INTS6: variants seen among roughly 807,000 people sequenced by gnomAD.
INTS6 encodes DEAD box protein.
In INTS6, 16 loss-of-function variants were observed where a neutral mutation model predicts 104.9. The ratio of observed to expected loss-of-function variants is 0.15; its 90% CI spans 0.10 to 0.23. The LOEUF is 0.23. Ranked by LOEUF, INTS6 falls within the 10% of genes least tolerant of loss-of-function variation. The pLI, the probability that INTS6 is intolerant of heterozygous loss-of-function variation, is 1.00. For missense variants in INTS6, 584 were observed against 1,062.8 expected (o/e 0.55, Z 6.26); for synonymous variants, 324 against 358.7 (o/e 0.90, Z 1.09).
intron 4 of INTS6, among the ~76,000 whole-genome samples, chr13:51,418,487 A>T (rs1161288374): frequency 6.6e-6 from 1 of 152,174 alleles, no homozygotes; most frequent in Non-Finnish European, 1.5e-5. Context: ...AAGGAAAATT[A>T]AGAAATTCTA....
At chr13:51,348,093 G>A in the INTS6 span, 1 of 715,662 alleles carries the variant, frequency 1.4e-6, no homozygotes, top group South Asian at 1.9e-5. Flanking sequence ...TCCTGAGGGT[G>A]AGGTGGATGC....
intron 3 of INTS6, among the ~76,000 whole-genome samples, chr13:51,434,532 C>T (rs557466601): frequency 4.6e-5 from 7 of 152,118 alleles, no homozygotes; most frequent in African/African-American, 1.7e-4. Context: ...TCAAGAATCA[C>T]ACTAAGAAAA....
chr13:51,350,557 T>C (rs1955394277), downstream of INTS6, among the ~76,000 whole-genome samples: 1 of 152,132 alleles, frequency 6.6e-6, no homozygotes, highest in Non-Finnish European at 1.5e-5. Context: ...TCAAAATGAG[T>C]TTTGCCCTTC....
chr13:51,336,030 C>T, the INTS6 span, among the ~76,000 whole-genome samples: 11 of 152,216 alleles, frequency 7.2e-5, no homozygotes, highest in East Asian at 3.9e-4. Flanking sequence ...ACCCTCTGCA[C>T]CTGAGGCAGC....
At chr13:51,341,477 T>C in the INTS6 span, 1 of 898,362 alleles carries the variant, frequency 1.1e-6, no homozygotes, top group Non-Finnish European at 1.7e-6. Flanking sequence ...TCACACTCAC[T>C]CTCTCCAGCT....
Position 51,453,017 on chromosome 13 carries a change from G to A in INTS6, c.-492C>T, listed in dbSNP as rs1214133146. ...CCCCGGCGGTGTCACCACTTTCTCA[G>A]CCCCTCTCGCTACTGAAGCGCTTTT... On this transcript the variant is annotated 5_prime_UTR_variant, in exon 1 of 18. Coordinates refer to ENST00000311234, the MANE Select transcript of INTS6 (RefSeq NM_012141.3). The A allele has an allele frequency of 3.0e-6, 3 of 1,011,938 alleles. No individual in the cohort carries two copies. The highest frequency in any genetic ancestry group is 3.5e-6 in the Non-Finnish European group (3 of 846,382). The allele number at this position is 1,011,938 out of a possible 1,614,324, so 62.7% of individuals were successfully genotyped here. A position where few individuals can be genotyped will look rare whatever the true frequency, so the allele number is the denominator to read the frequency against.
intron 4 of INTS6, among the ~76,000 whole-genome samples, chr13:51,417,262 T>C (rs1462960364): frequency 6.6e-6 from 1 of 152,186 alleles, no homozygotes; most frequent in Non-Finnish European, 1.5e-5. Flanking sequence ...TCTGGTGTCA[T>C]GTCTAACTAA....
At chr13:51,344,086 A>G in the INTS6 span, among the ~76,000 whole-genome samples, 1 of 152,140 alleles carries the variant, frequency 6.6e-6, no homozygotes, top group Non-Finnish European at 1.5e-5. Context: ...CTGATTTCTG[A>G]GCACATTAGC....
chr13:51,421,847 C>G (rs1045732984), intron 4 of INTS6, among the ~76,000 whole-genome samples: 1 of 152,052 alleles, frequency 6.6e-6, no homozygotes, highest in Non-Finnish European at 1.5e-5. Context: ...CACCAGTACA[C>G]AGAGTAAAAC....
intron 3 of INTS6, among the ~76,000 whole-genome samples, chr13:51,354,740 G>A (rs1566194898): frequency 6.6e-6 from 1 of 152,122 alleles, no homozygotes; most frequent in Non-Finnish European, 1.5e-5. Context: ...AAGAACCAAA[G>A]GTCACAAAAT....
intron 4 of INTS6, among the ~76,000 whole-genome samples, chr13:51,416,326 T>C (rs992638532): frequency 1.3e-5 from 2 of 152,226 alleles, no homozygotes; most frequent in Non-Finnish European, 2.9e-5. Context: ...TGTACAATCA[T>C]CACCACTGTC....
At chr13:51,410,227 C>T (rs1358934449) in intron 4 of INTS6, among the ~76,000 whole-genome samples, 1 of 152,076 alleles carries the variant, frequency 6.6e-6, no homozygotes, top group Non-Finnish European at 1.5e-5. Context: ...AACTAATAAA[C>T]CTGATTCTAA....
At chr13:51,440,389 G>C (rs1193188051) in intron 3 of INTS6, 2 of 152,022 alleles carry the variant, frequency 1.3e-5, no homozygotes, top group Non-Finnish European at 2.9e-5. Context: ...TAAAACTTTA[G>C]AAGTTTATAA....
chr13:51,341,678 A>C, the INTS6 span, among the ~76,000 whole-genome samples: 1 of 152,298 alleles, frequency 6.6e-6, no homozygotes, highest in Non-Finnish European at 1.5e-5. Context: ...CATTTGACAC[A>C]CCCTAGCATA....
intron 5 of INTS6, among the ~76,000 whole-genome samples, chr13:51,390,076 C>G (rs1055260205): frequency 4.6e-5 from 7 of 152,006 alleles, no homozygotes; most frequent in African/African-American, 1.4e-4. Flanking sequence ...TTAACTTATA[C>G]TACTTTTGGT....
At chr13:51,336,294 C>A in the INTS6 span, among the ~76,000 whole-genome samples, 2 of 152,144 alleles carry the variant, frequency 1.3e-5, no homozygotes, top group Non-Finnish European at 2.9e-5. Context: ...TCGAGACCAA[C>A]CTGGCCAACA....
chr13:51,438,258 T>G (rs1952729681), intron 3 of INTS6: 1 of 152,072 alleles, frequency 6.6e-6, no homozygotes, highest in Non-Finnish European at 1.5e-5. Flanking sequence ...GCTAAACACC[T>G]TCCCAAGTGT....
At chr13:51,399,707 G>T (rs7984138) in intron 4 of INTS6, among the ~76,000 whole-genome samples, 1,706 of 148,300 alleles carry the variant, frequency 0.012, 25 homozygotes, top group East Asian at 0.069. Context: ...AGCCATTGTG[G>T]GTGTGTGTGT....
At chr13:51,372,104 T>G (rs1201843478) in intron 15 of INTS6, among the ~76,000 whole-genome samples, 1 of 152,178 alleles carries the variant, frequency 6.6e-6, no homozygotes, top group Admixed American at 6.5e-5. Flanking sequence ...TGTGAACTCT[T>G]CCAGATACCA....
Sources: allele counts gnomAD v4.1 joint callset (sites outside exome capture counted in the v4.1 genomes callset), GRCh38; gene constraint gnomAD v4.1.1; transcripts MANE v1.5; gene names NCBI Gene and HGNC (gene_info 2026-07-23, HGNC 2026-07-21).